Variants in SCAMP4 observed in about 807,000 individuals in gnomAD.
SCAMP4 encodes secretory carrier membrane protein 4, also known as secretory carrier-associated membrane protein 4.
A neutral mutation model predicts 32.1 loss-of-function variants in SCAMP4; 19 were observed. The ratio of observed to expected loss-of-function variants is 0.59; its 90% CI spans 0.41 to 0.87. The LOEUF (loss-of-function observed/expected upper bound fraction) is 0.87. Ranked by LOEUF, SCAMP4 falls within the 40% of genes least tolerant of loss-of-function variation. The probability of loss-of-function intolerance (pLI) is 0.00; values close to 1 mark genes in which losing one functional copy is unlikely to be tolerated. For missense variants in SCAMP4, 302 were observed against 309.0 expected, an observed-to-expected ratio of 0.98 and a Z score of 0.17; for synonymous variants, 152 against 132.7, an observed-to-expected ratio of 1.15 and a Z score of -1.00.
Position 1,917,729 on chromosome 19 carries a change from A to G in SCAMP4, c.43A>G (p.Ile15Val). The G allele has an allele frequency of 1.2e-6, 2 of 1,614,034 alleles. No individual in the cohort carries two copies. The highest frequency in any genetic ancestry group is 1.7e-6 in the Non-Finnish European group (2 of 1,179,892). Residue 15 changes from isoleucine (I) to valine (V), a missense_variant, in exon 3 of 7, where the codon ATC (isoleucine) becomes GTC (valine). Ile to Val is a conservative substitution (Grantham distance 29). Coordinates refer to ENST00000316097, the MANE Select transcript of SCAMP4 (RefSeq NM_079834.4). ...ENNFPPLPKF[I>V]PVKPCFYQNF... is the part of the protein sequence containing the mutation. ...CAACTTCCCGCCACTGCCCAAGTTC[A>G]TCCCTGTGAAGCCCTGCTTCTACCA...
intron 4 of SCAMP4, 136 bp downstream of exon 4, chr19:1,918,419 A>G (rs2013807244): frequency 1.9e-6 from 2 of 1,066,246 alleles, no homozygotes; most frequent in Admixed American, 3.1e-5. Context: ...GGGGGTGGCA[A>G]ACTGTGGCCC....
chr19:1,912,997 C>T, intron 1 of SCAMP4: 2 of 1,608,540 alleles, frequency 1.2e-6, no homozygotes, highest in South Asian at 2.2e-5. Context: ...CTGGTGCACG[C>T]ACGCATCCTG....
chr19:1,922,647 C>G, intron 5 of SCAMP4: 1 of 986,818 alleles, frequency 1.0e-6, no homozygotes, highest in Non-Finnish European at 1.2e-6. Flanking sequence ...CATCATTAGA[C>G]ACAGTTGCCG....
chr19:1,924,624 GGCA>G lies in SCAMP4; in HGVS notation c.*345_*347del. 1 of 309,052 alleles carries G rather than the reference GGCA, an allele frequency of 3.2e-6. No homozygotes were observed. The allele number at this position is 309,052 out of a possible 1,614,324, so 19.1% of individuals were successfully genotyped here. A position where few individuals can be genotyped will look rare whatever the true frequency, so the allele number is the denominator to read the frequency against. ...CGAGGCCTGACTCCGGGGGACAGGTGGCAGCAGGTCGGCCGCCCTCCCGTCCTC... is the reference window on the plus strand; with the variant it reads ...CGAGGCCTGACTCCGGGGGACAGGTGGCAGGTCGGCCGCCCTCCCGTCCTC... On this transcript the variant is annotated 3_prime_UTR_variant, in exon 7 of 7. Transcript: ENST00000316097.
chr19:1,921,916 G>A (rs1342652568), intron 5 of SCAMP4: 1 of 985,394 alleles, frequency 1.0e-6, no homozygotes, highest in Non-Finnish European at 1.2e-6. Flanking sequence ...GCATCTTGCA[G>A]GGACGCGGCG....
chr19:1,921,887 G>T, intron 5 of SCAMP4: 1 of 985,420 alleles, frequency 1.0e-6, no homozygotes, highest in Non-Finnish European at 1.2e-6. Context: ...CTCCAAGCAG[G>T]CGAACACAGG....
Position 1,917,881 on chromosome 19 carries a change from A to G in SCAMP4, c.136+59A>G, listed in dbSNP as rs1006171414. On this transcript the variant is annotated intron_variant, in intron 3 of 6. Transcript: ENST00000316097. ...GGAGGCAGGGCTCCCCGAGGGAGGG[A>G]GTGGCATTCAGGCAGGGGCAGCCCG... The G allele has an allele frequency of 2.5e-6, 4 of 1,602,654 alleles. No homozygotes were observed. The African/African-American group carries it at 4.0e-5, about 16-fold the overall frequency.
Position 1,917,715 on chromosome 19 carries a change from C to G in SCAMP4, c.29C>G (p.Pro10Arg). The change falls in exon 3 of 7, where the codon CCA becomes CGA. Residue 10 changes from proline (P) to arginine (R), a missense_variant. Transcript: ENST00000316097. MSEKENNFP[P>R]LPKFIPVKPC... ...ACAGAAAAGGAGAACAACTTCCCGC[C>G]ACTGCCCAAGTTCATCCCTGTGAAG... 6.2e-7 allele frequency: 1 copy of G among 1,614,066 alleles called. No individual in the cohort carries two copies. The highest frequency in any genetic ancestry group is 1.3e-5 in the African/African-American group (1 of 75,070).
chr19:1,911,952 T>C, intron 1 of SCAMP4: 1 of 1,390,990 alleles, frequency 7.2e-7, no homozygotes, highest in Non-Finnish European at 9.3e-7. Flanking sequence ...GCCCTCGGAC[T>C]AGCCTCAGCT....
At chr19:1,905,466 G>T in intron 1 of SCAMP4, 27 bp downstream of exon 1, 1 of 455,650 alleles carries the variant, frequency 2.2e-6, no homozygotes, top group Admixed American at 2.4e-5. Flanking sequence ...GAGGTCTCGG[G>T]TTCTCCAGGC....
At chr19:1,913,078 A>C in intron 1 of SCAMP4, 2 of 1,601,278 alleles carry the variant, frequency 1.2e-6, no homozygotes, top group Non-Finnish European at 1.7e-6. Context: ...GCACGGCCCG[A>C]CCTCAACCAC....
chr19:1,925,915 C>CACCCCA lies in SCAMP4; in HGVS notation c.*1631_*1632insACCCCA, dbSNP rs60844215. 2.1e-5 allele frequency: 3 copies of CACCCCA among 142,856 alleles called. No homozygotes were observed. The highest frequency in any genetic ancestry group is 8.3e-5 in the African/African-American group (3 of 36,310). 8.8% of individuals were successfully genotyped at this position (142,856 alleles called of 1,614,324 possible). ...AATCTCACCTGGCAGGCCCAACCCCCCCCCACCCCTCCCCCGCCGTGTGTG... is the reference window on the plus strand; with the variant it reads ...AATCTCACCTGGCAGGCCCAACCCCCACCCCACCCCACCCCTCCCCCGCCGTGTGTG... On this transcript the variant is annotated 3_prime_UTR_variant, in exon 7 of 7. Transcript: ENST00000316097.
In SCAMP4 at chr19:1,908,381, C is replaced by A. The variant is rs940992299; in HGVS notation, c.-42+2942C>A. 9.8e-6 allele frequency: 4 copies of A among 406,878 alleles called. No individual in the cohort carries two copies. The highest frequency in any genetic ancestry group is 2.0e-5 in the Non-Finnish European group (4 of 196,242). 25.2% of individuals were successfully genotyped at this position (406,878 alleles called of 1,614,324 possible). ...GTTCCACTGGCTGCTGGTCCCCCAT[C>A]TGTGGGGCGCCCCGGCGGCTGAGGC... On this transcript the variant is annotated intron_variant, in intron 1 of 6. Coordinates refer to ENST00000316097, the MANE Select transcript of SCAMP4 (RefSeq NM_079834.4). The surrounding 1 kb of genome is among the most constrained non-coding windows in gnomAD (Gnocchi z 4.2).
At chr19:1,917,025 C>T (rs1190937536) in intron 2 of SCAMP4, among the ~76,000 whole-genome samples, 4 of 152,334 alleles carry the variant, frequency 2.6e-5, no homozygotes, top group Non-Finnish European at 4.4e-5. Context: ...TTCGGCCGGG[C>T]GCGGTGGCTC....
intron 1 of SCAMP4, chr19:1,912,597 C>G: frequency 6.7e-7 from 1 of 1,489,368 alleles, no homozygotes; most frequent in Non-Finnish European, 8.9e-7. Context: ...CTTCTCCACG[C>G]AGGAGCGCGC....
rs577177963 is a variant in SCAMP4 at position 1,924,716 on chromosome 19, G to A, written c.*432G>A. 115 of 209,320 alleles carry A rather than the reference G, an allele frequency of 5.5e-4. No individual in the cohort carries two copies. Among genetic ancestry groups the A allele is most frequent in the Middle Eastern group, 2.0e-3 (1 of 494 alleles). 13.0% of individuals were successfully genotyped at this position (209,320 alleles called of 1,614,324 possible). On this transcript the variant is annotated 3_prime_UTR_variant, in exon 7 of 7. Coordinates refer to ENST00000316097, the MANE Select transcript of SCAMP4 (RefSeq NM_079834.4). ...GGGAGCTCCGTCTCACCGGCCACCC[G>A]CCGTCACCATGGCAGATGCCCTTGG...
At chr19:1,909,541 G>A (rs536056008) in intron 1 of SCAMP4, among the ~76,000 whole-genome samples, 1 of 152,186 alleles carries the variant, frequency 6.6e-6, no homozygotes, top group South Asian at 2.1e-4. Flanking sequence ...ACTGCCTCCC[G>A]TCCTCACCTG....
At chr19:1,923,661 C>CAGGCTGG (rs2013992545) in intron 6 of SCAMP4, among the ~76,000 whole-genome samples, 1 of 141,726 alleles carries the variant, frequency 7.1e-6, no homozygotes. Context: ...CTCTGTCACC[C>CAGGCTGG]AGGCTGGAGT....
chr19:1,908,258 G>A lies in SCAMP4; in HGVS notation c.-42+2819G>A. On this transcript the variant is annotated intron_variant, in intron 1 of 6. Coordinates refer to ENST00000316097, the MANE Select transcript of SCAMP4 (RefSeq NM_079834.4). This position sits in a 1 kb window ranked among gnomAD's most constrained non-coding sequence, Gnocchi z 4.2. ...GCTGCCTCCGCGCTTCCTGCTCCCG[G>A]CTCCCACTGCATCTCCGGTTCTGTG... The A allele has an allele frequency of 3.5e-6, 1 of 281,710 alleles. No individual in the cohort carries two copies. The highest frequency in any genetic ancestry group is 1.3e-4 in the East Asian group (1 of 7,954). The allele number at this position is 281,710 out of a possible 1,614,324, so 17.5% of individuals were successfully genotyped here.
Sources: gnomAD v4.1 joint callset for allele counts (sites outside exome capture counted in the v4.1 genomes callset) on GRCh38, gnomAD v4.1.1 for gene constraint, Gnocchi (gnomAD v3.1) non-coding constraint, MANE v1.5 for transcripts, NCBI Gene and HGNC (gene_info 2026-07-23, HGNC 2026-07-21) for gene names.